The following ZNF346 variants were observed in gnomAD, a reference collection of about 807,000 sequenced individuals.
The protein encoded by ZNF346 is double-stranded RNA-binding zinc finger protein JAZ.
ZNF346 carries 23 observed loss-of-function variants against 33.7 expected under a neutral mutation model. The observed-to-expected ratio is 0.68, with a 90% CI of 0.49 to 0.97. The LOEUF (loss-of-function observed/expected upper bound fraction) is 0.97, where lower values mean the gene tolerates loss of function less well. ZNF346 is among the 50% of genes least tolerant of loss of function. The pLI is 0.00. For missense variants in ZNF346, 340 were observed against 371.1 expected, an observed-to-expected ratio of 0.92 and a Z score of 0.69; for synonymous variants, 134 against 142.4, an observed-to-expected ratio of 0.94 and a Z score of 0.42.
chr5:177,071,715 C>T (rs1460921597), downstream of ZNF346, among the ~76,000 whole-genome samples: 3 of 151,922 alleles, frequency 2.0e-5, no homozygotes. Context: ...AAGAAGAAAG[C>T]CCTTCCTTCC....
chr5:177,062,128 C>A lies in ZNF346; in HGVS notation c.774C>A (p.Val258=). Residue 258 remains valine (V), a synonymous_variant, in exon 6 of 7, where the codon GTC becomes GTA. Transcript: ENST00000358149. ...CCATAGAACAGTACCAAGCTCATGT[C>A]AGCGGCTTCAAACACAAGAACCAGT... ...LNSIEQYQAH[V]SGFKHKNQSP... 2 of 1,614,066 alleles carry A rather than the reference C, an allele frequency of 1.2e-6. No individual in the cohort carries two copies. The highest frequency in any genetic ancestry group is 1.7e-6 in the Non-Finnish European group (2 of 1,179,948).
chr5:177,069,228 G>A (rs561277350), downstream of ZNF346, among the ~76,000 whole-genome samples: 3 of 119,852 alleles, frequency 2.5e-5, no homozygotes, highest in East Asian at 4.0e-4. Context: ...AGGCCGAGGC[G>A]GGCGCATCAC....
intron 1 of ZNF346, among the ~76,000 whole-genome samples, chr5:177,035,377 G>A (rs1174568800): frequency 1.3e-5 from 2 of 152,166 alleles, no homozygotes; most frequent in Admixed American, 6.6e-5. Context: ...ACCCTGGAGA[G>A]ATAGTTGGTA....
chr5:177,041,779 G>A lies in ZNF346; in HGVS notation c.281G>A (p.Ser94Asn). The A allele has an allele frequency of 6.2e-7, 1 of 1,609,456 alleles. No individual in the cohort carries two copies. Among genetic ancestry groups the A allele is most frequent in the South Asian group, 1.1e-5 (1 of 90,886 alleles). ...GATCTTTCTCCTGGGTTTTTGCAGA[G>A]CAAAAAACATGCCAACAAAGTGAAG... The part of the protein sequence containing the change: ...SESQKLAHYQ[S>N]KKHANKVKRY... Residue 94 changes from serine (S) to asparagine (N), a missense_variant and splice_region_variant, in exon 3 of 7, where the codon AGC becomes AAC. By Grantham distance (46) the Ser-to-Asn change is conservative. Transcript: ENST00000358149.
At chr5:177,055,279 C>T (rs1781522365) in intron 5 of ZNF346, among the ~76,000 whole-genome samples, 1 of 151,792 alleles carries the variant, frequency 6.6e-6, no homozygotes, top group Admixed American at 6.6e-5. Context: ...GGTGATCCAC[C>T]TACCTCGGCC....
rs1783253497 is a variant in ZNF346 at position 177,067,233 on chromosome 5, A to G, written c.*2634A>G. Among the ~76,000 whole-genome samples the G allele has an allele frequency of 6.6e-6, 1 of 152,144 alleles. No individual in the cohort carries two copies. The highest frequency in any genetic ancestry group is 2.1e-4 in the South Asian group (1 of 4,830). On this transcript the variant is annotated 3_prime_UTR_variant, in exon 7 of 7. Transcript: ENST00000358149. ...ACTCCAGCCTGGACAACAGAGCAAG[A>G]CCCTGTCTCTAAAAATAATAATTTT...
chr5:177,064,588 T>G lies in ZNF346; in HGVS notation c.874T>G (p.Leu292Val), dbSNP rs553363068. Reference sequence around the variant, plus strand: ...ACCCATTCAGAAAGACTCAACCACCTTGGAAGACTAGAGGTGATTCTGCCC... The same window carrying G: ...ACCCATTCAGAAAGACTCAACCACCGTGGAAGACTAGAGGTGATTCTGCCC... ...RQPIQKDSTTLED is the reference protein window; with the variant it reads ...RQPIQKDSTTVED Residue 292 changes from leucine to valine, a missense_variant, in exon 7 of 7, where the codon TTG becomes GTG. By Grantham distance (32) the Leu-to-Val change is conservative. Transcript: ENST00000358149. The G allele has an allele frequency of 2.5e-5, 40 of 1,613,906 alleles. 1 individual carries two copies. The highest frequency in any genetic ancestry group is 4.0e-5 in the African/African-American group (3 of 74,946).
Position 177,022,838 on chromosome 5 carries a change from G to C in ZNF346, c.100G>C (p.Val34Leu). 6.5e-7 allele frequency: 1 copy of C among 1,537,954 alleles called. No individual in the cohort carries two copies. Among genetic ancestry groups the C allele is most frequent in the East Asian group, 2.5e-5 (1 of 40,204 alleles). Reference protein sequence around the residue: ...ELLEGQEPDGVRFDRERARRL... With the variant: ...ELLEGQEPDGLRFDRERARRL... ...GCTGGAGGGCCAGGAGCCGGACGGG[G>C]TGCGCTTTGACCGCGAGAGGGCGCG... Residue 34 changes from valine (V) to leucine (L), a missense_variant, in exon 1 of 7, where the codon GTG (valine) becomes CTG (leucine). Val to Leu is a conservative substitution (Grantham distance 32, BLOSUM62 1). Coordinates refer to ENST00000358149, the MANE Select transcript of ZNF346 (RefSeq NM_012279.4).
intron 1 of ZNF346, among the ~76,000 whole-genome samples, chr5:177,023,435 A>G (rs1776193573): frequency 6.6e-6 from 1 of 152,022 alleles, no homozygotes; most frequent in Non-Finnish European, 1.5e-5. Context: ...TCTGGCCTCT[A>G]CTTGCTGGGT....
At chr5:177,055,977 G>A (rs985795477) in intron 5 of ZNF346, among the ~76,000 whole-genome samples, 9 of 151,736 alleles carry the variant, frequency 5.9e-5, no homozygotes, top group East Asian at 1.9e-4. Flanking sequence ...TCTGAAGGCT[G>A]AGGCACAAGA....
chr5:177,026,704 G>A (rs1310891342), intron 1 of ZNF346, among the ~76,000 whole-genome samples: 1 of 152,132 alleles, frequency 6.6e-6, no homozygotes, highest in East Asian at 1.9e-4. Context: ...GTGTTGACCT[G>A]CAAGGAAGAG....
rs1242874094 is a variant in ZNF346, at chr5:177,067,817, G to A, written c.*3218G>A. 2.0e-5 allele frequency among the ~76,000 whole-genome samples: 3 copies of A among 152,054 alleles called. No individual in the cohort carries two copies. The highest frequency in any genetic ancestry group is 4.4e-5 in the Non-Finnish European group (3 of 67,998). On this transcript the variant is annotated 3_prime_UTR_variant, in exon 7 of 7. Transcript: ENST00000358149. ...GCTAAGAGTTAATATTCCATATAGA[G>A]AAGGAGGCCAGGCAGGGTGGCTCAC...
intron 1 of ZNF346, among the ~76,000 whole-genome samples, chr5:177,038,256 G>GTTTTTTTTTT (rs748931641): frequency 3.0e-5 from 4 of 132,224 alleles, no homozygotes; most frequent in Non-Finnish European, 3.2e-5. Flanking sequence ...GCCCAACTAC[G>GTTTTTTTTTT]TTTTTTTTTT....
At chr5:177,026,108 G>A (rs1454275876) in intron 1 of ZNF346, among the ~76,000 whole-genome samples, 2 of 151,588 alleles carry the variant, frequency 1.3e-5, no homozygotes, top group Middle Eastern at 3.4e-3. Context: ...GAGGTCAAGC[G>A]ATTCTCCTGC....
intron 5 of ZNF346, among the ~76,000 whole-genome samples, chr5:177,056,802 T>G (rs1338541914): frequency 6.6e-6 from 1 of 151,508 alleles, no homozygotes; most frequent in East Asian, 1.9e-4. Flanking sequence ...CATTAGGAGA[T>G]ATACCTAATG....
At chr5:177,075,580 A>G (rs1783708501) in intron 8 of ZNF346, among the ~76,000 whole-genome samples, 1 of 152,108 alleles carries the variant, frequency 6.6e-6, no homozygotes, top group Non-Finnish European at 1.5e-5. Flanking sequence ...TGCATGGCAC[A>G]ATCATAGGTC....
intron 1 of ZNF346, among the ~76,000 whole-genome samples, chr5:177,034,940 TC>T (rs1336901763): frequency 3.7e-4 from 57 of 152,342 alleles, no homozygotes; most frequent in African/African-American, 1.2e-3. Flanking sequence ...TATGCATTAT[TC>T]CTGGAGATGT....
intron 1 of ZNF346, among the ~76,000 whole-genome samples, chr5:177,024,446 C>T (rs924698596): frequency 1.3e-5 from 2 of 152,134 alleles, no homozygotes; most frequent in Non-Finnish European, 2.9e-5. Context: ...GATCTGCCCG[C>T]CTTGACCTCC....
chr5:177,076,998 G>A (rs1466011053), intron 8 of ZNF346, among the ~76,000 whole-genome samples: 1 of 152,100 alleles, frequency 6.6e-6, no homozygotes, highest in Non-Finnish European at 1.5e-5. Flanking sequence ...CCGAGATCAC[G>A]CCACTGTACT....
Sources: allele counts gnomAD v4.1 joint callset (sites outside exome capture counted in the v4.1 genomes callset), GRCh38; gene constraint gnomAD v4.1.1; transcripts MANE v1.5; gene names NCBI Gene and HGNC (gene_info 2026-07-23, HGNC 2026-07-21).